SLA: variants seen among roughly 807,000 people sequenced by gnomAD.
SLA encodes src-like-adapter.
SLA carries 16 observed loss-of-function variants against 30.3 expected under a neutral mutation model. The ratio of observed to expected loss-of-function variants is 0.53; its 90% CI spans 0.36 to 0.80. SLA has a LOEUF of 0.80. SLA is among the 30% of genes least tolerant of loss of function. The pLI is 0.01. For missense variants in SLA, 310 were observed against 345.2 expected (o/e 0.90, Z 0.81); for synonymous variants, 143 against 137.8 (o/e 1.04, Z -0.26).
At chr8:133,052,188 C>A (rs1840533330) in intron 3 of SLA, among the ~76,000 whole-genome samples, 1 of 152,112 alleles carries the variant, frequency 6.6e-6, no homozygotes, top group African/African-American at 2.4e-5. Flanking sequence ...CTTGGGCAGA[C>A]TAAGTCTAAA....
At chr8:133,087,320 GTA>G (rs1183057373) in intron 1 of SLA, among the ~76,000 whole-genome samples, 1 of 152,206 alleles carries the variant, frequency 6.6e-6, no homozygotes, top group Non-Finnish European at 1.5e-5. Flanking sequence ...ATGTAGAGCA[GTA>G]TATGACAGCC....
chr8:133,071,078 C>G (rs529397711), intron 2 of SLA, among the ~76,000 whole-genome samples: 1 of 152,320 alleles, frequency 6.6e-6, no homozygotes, highest in African/African-American at 2.4e-5. Flanking sequence ...AGTGAGGGAG[C>G]CAGCTGGAGG....
chr8:133,038,877 A>T (rs1319365025), intron 8 of SLA, 140 bp from the exon 9 acceptor site: 1 of 601,644 alleles, frequency 1.7e-6, no homozygotes, highest in Non-Finnish European at 2.9e-6. Flanking sequence ...ACTTATTATT[A>T]TTTTTCTTTA....
chr8:133,045,889 A>G (rs995465063), intron 6 of SLA, among the ~76,000 whole-genome samples: 1 of 152,186 alleles, frequency 6.6e-6, no homozygotes, highest in African/African-American at 2.4e-5. Flanking sequence ...ATGCTGCCAC[A>G]GCACACATTT....
At chr8:133,046,097 A>G (rs1839334783) in intron 6 of SLA, among the ~76,000 whole-genome samples, 2 of 152,184 alleles carry the variant, frequency 1.3e-5, no homozygotes, top group South Asian at 4.1e-4. Flanking sequence ...AACCGCAGCC[A>G]TGTGCCTCGA....
intron 3 of SLA, among the ~76,000 whole-genome samples, chr8:133,051,261 G>A (rs1662798289): frequency 6.6e-6 from 1 of 152,162 alleles, no homozygotes; most frequent in Non-Finnish European, 1.5e-5. Flanking sequence ...TTTAAAATGG[G>A]ACTAATACTA....
intron 1 of SLA, chr8:133,075,987 C>T (rs1844798125): frequency 6.6e-6 from 1 of 152,024 alleles, no homozygotes; most frequent in African/African-American, 2.4e-5. Flanking sequence ...GTAAATATTG[C>T]ATATAAAATC....
chr8:133,059,357 G>T (rs1273157665), intron 3 of SLA, among the ~76,000 whole-genome samples: 2 of 152,196 alleles, frequency 1.3e-5, no homozygotes, highest in Non-Finnish European at 2.9e-5. Context: ...GCCATTAGAA[G>T]GGGCCAGCAT....
intron 1 of SLA, among the ~76,000 whole-genome samples, chr8:133,081,882 G>A (rs988832510): frequency 2.0e-5 from 3 of 152,282 alleles, no homozygotes; most frequent in African/African-American, 4.8e-5. Context: ...TGCCTCTGAC[G>A]GATTGTCACA....
At chr8:133,048,367 T>G (rs1302349606) in intron 5 of SLA, among the ~76,000 whole-genome samples, 1 of 152,118 alleles carries the variant, frequency 6.6e-6, no homozygotes, top group African/African-American at 2.4e-5. Context: ...ATTACAGGCA[T>G]GCACCACCAC....
At chr8:133,050,774 T>A in intron 4 of SLA, 42 bp downstream of exon 4, 1 of 1,270,840 alleles carries the variant, frequency 7.9e-7, no homozygotes. Flanking sequence ...ACCAAGTTTA[T>A]CCTGCTTTGA....
chr8:133,057,227 A>G (rs940914630), intron 3 of SLA, among the ~76,000 whole-genome samples: 10 of 152,164 alleles, frequency 6.6e-5, no homozygotes, highest in Admixed American at 4.6e-4. Context: ...CAAAGAGGGG[A>G]AAAAGATCAC....
At chr8:133,086,283 T>A (rs1359617595) in intron 1 of SLA, among the ~76,000 whole-genome samples, 1 of 152,218 alleles carries the variant, frequency 6.6e-6, no homozygotes, top group Non-Finnish European at 1.5e-5. Context: ...TTAGATGTGG[T>A]GATGATTGCA....
intron 1 of SLA, among the ~76,000 whole-genome samples, chr8:133,087,453 C>T (rs1019883280): frequency 6.6e-6 from 1 of 152,168 alleles, no homozygotes; most frequent in Non-Finnish European, 1.5e-5. Context: ...TGAGGGGACT[C>T]ATTTCTCTCC....
chr8:133,075,080 G>A lies in SLA; in HGVS notation c.-268C>T, dbSNP rs72729532. 0.07 allele frequency: 69,308 copies of A among 985,284 alleles called. 2,659 individuals are homozygous for A. Among genetic ancestry groups the A allele is most frequent in the Non-Finnish European group, 0.076 (63,370 of 829,812 alleles). 61.0% of individuals were successfully genotyped at this position (985,284 alleles called of 1,614,324 possible). ...AGGAAGGCACAGGGCTTGCAGAAGG[G>A]CAGGTTCCTGTTTTCAGTAACCACT... On this transcript the variant is annotated 5_prime_UTR_variant, in exon 2 of 9. Transcript: ENST00000338087.
chr8:133,088,456 C>T (rs1301257102), intron 1 of SLA, among the ~76,000 whole-genome samples: 2 of 152,284 alleles, frequency 1.3e-5, no homozygotes, highest in South Asian at 4.1e-4. Flanking sequence ...CTGATCAGTT[C>T]TATGACCTTG....
chr8:133,075,489 TG>T, intron 1 of SLA, among the ~76,000 whole-genome samples: 1 of 152,246 alleles, frequency 6.6e-6, no homozygotes, highest in East Asian at 1.9e-4. Context: ...AGATGGCAGT[TG>T]TTTGAATATA....
chr8:133,091,364 G>A (rs73354620), intron 1 of SLA, among the ~76,000 whole-genome samples: 1,964 of 152,290 alleles, frequency 0.013, 53 homozygotes, highest in African/African-American at 0.044. Flanking sequence ...AGTGCAAGGC[G>A]TGCCAGGAGG....
intron 1 of SLA, among the ~76,000 whole-genome samples, chr8:133,083,972 C>T (rs984873876): frequency 1.3e-5 from 2 of 152,198 alleles, no homozygotes; most frequent in Non-Finnish European, 2.9e-5. Flanking sequence ...GTGGCACTGT[C>T]CTCTGAGAGG....
Sources: allele counts gnomAD v4.1 joint callset (sites outside exome capture counted in the v4.1 genomes callset), GRCh38; gene constraint gnomAD v4.1.1; transcripts MANE v1.5; gene names NCBI Gene and HGNC (gene_info 2026-07-23, HGNC 2026-07-21).